The following TRRAP variants were observed in gnomAD, a reference collection of about 807,000 sequenced individuals.
TRRAP encodes the protein transformation/transcription domain associated protein.
Under a neutral mutation model 438.8 loss-of-function variants are expected in TRRAP, and 41 were observed. The ratio of observed to expected loss-of-function variants is 0.09; its 90% CI spans 0.07 to 0.12. TRRAP has a LOEUF of 0.12. Among genes scored for constraint, TRRAP ranks in the 10% least tolerant of loss-of-function variants. TRRAP has a pLI of 1.00. For synonymous variants in TRRAP, 1,994 were observed against 1,962.9 expected, an observed-to-expected ratio of 1.02 and a Z score of -0.42; for missense variants, 3,122 against 5,055.1, an observed-to-expected ratio of 0.62 and a Z score of 11.60.
At chr7:98,945,616 G>C in intron 31 of TRRAP, 131 bp from the exon 32 acceptor site, 1 of 1,021,942 alleles carries the variant, frequency 9.8e-7, no homozygotes, top group Non-Finnish European at 1.4e-6. Context: ...GTTAATTACT[G>C]TGTGCTTTCT....
chr7:98,997,359 A>C (rs2116827685), intron 67 of TRRAP, among the ~76,000 whole-genome samples: 1 of 152,016 alleles, frequency 6.6e-6, no homozygotes, highest in East Asian at 1.9e-4. Flanking sequence ...TTTTCCAAAA[A>C]ATCTTACTTT....
In TRRAP at chr7:98,942,934, G is replaced by A. The variant is rs782240065; in HGVS notation, c.4405-15G>A. On this transcript the variant is annotated splice_polypyrimidine_tract_variant and intron_variant, in intron 30 of 72. Coordinates refer to ENST00000456197, the MANE Select transcript of TRRAP (RefSeq NM_001375524.1). ...CTACTGTGAAGTTGTGTCTCAGGAT[G>A]TGTTTTTCCAACAGCAACATCTGCG... 5.6e-6 allele frequency: 9 copies of A among 1,614,036 alleles called. No individual in the cohort carries two copies. The Admixed American group carries it at 6.7e-5, about 12-fold the overall frequency.
intron 63 of TRRAP, among the ~76,000 whole-genome samples, chr7:98,989,310 C>G (rs983661874): frequency 2.0e-5 from 3 of 152,102 alleles, no homozygotes; most frequent in African/African-American, 7.3e-5. Flanking sequence ...CATCCCTCCC[C>G]TGCAGGGCTG....
Position 98,927,175 on chromosome 7 carries a change from A to G in TRRAP, c.2984A>G (p.Glu995Gly). 1 of 1,614,256 alleles carries G rather than the reference A, an allele frequency of 6.2e-7. No homozygotes were observed. The highest frequency in any genetic ancestry group is 1.7e-5 in the Admixed American group (1 of 60,030). The change falls in exon 23 of 73, where the codon GAA becomes GGA. Residue 995 changes from glutamate (E) to glycine (G), a missense_variant. Glu to Gly is a moderately conservative substitution (Grantham distance 98). Transcript: ENST00000456197. ...YQLLAHPNFTEKTIPNVIISH... is the reference protein window; with the variant it reads ...YQLLAHPNFTGKTIPNVIISH... ...CTGATTTTGCCTTTCAGCTTTACAG[A>G]AAAGACCATCCCCAATGTTATCATC...
intron 18 of TRRAP, 45 bp from the exon 19 acceptor site, chr7:98,915,678 C>G: frequency 1.3e-6 from 2 of 1,597,544 alleles, no homozygotes; most frequent in Non-Finnish European, 1.7e-6. Flanking sequence ...GGTATAGACC[C>G]TCCTCATTTA....
chr7:98,901,408 T>C (rs1169193976), intron 11 of TRRAP, among the ~76,000 whole-genome samples: 1 of 152,244 alleles, frequency 6.6e-6, no homozygotes, highest in Non-Finnish European at 1.5e-5. Flanking sequence ...GTTAGGGCTT[T>C]CACATGGGAA....
At chr7:98,969,130 C>T (rs1241544482) in intron 51 of TRRAP, among the ~76,000 whole-genome samples, 1 of 152,220 alleles carries the variant, frequency 6.6e-6, no homozygotes. Context: ...CAACCACCTC[C>T]CCTCCTACTG....
rs1328826207 is a variant in TRRAP at position 98,917,623 on chromosome 7, C to T, written c.2566C>T (p.Leu856=). The change falls in exon 20 of 73, where the codon CTG becomes TTG. Residue 856 remains leucine (L), a synonymous_variant. Transcript: ENST00000456197. Reference sequence around the variant, plus strand: ...GACGCTGGAGCTGTGTGTGGACAACCTGCAGCCCGACTTCCTCTACGACCA... The same window carrying T: ...GACGCTGGAGCTGTGTGTGGACAACTTGCAGCCCGACTTCCTCTACGACCA... ...LRTLELCVDN[L]QPDFLYDHIQ... The T allele has an allele frequency of 1.9e-6, 3 of 1,614,096 alleles. No individual in the cohort carries two copies. Among genetic ancestry groups the T allele is most frequent in the Admixed American group, 1.7e-5 (1 of 60,006 alleles).
intron 38 of TRRAP, 143 bp from the exon 39 acceptor site, chr7:98,950,733 T>C (rs1791296242): frequency 3.2e-6 from 3 of 944,022 alleles, no homozygotes; most frequent in Non-Finnish European, 4.5e-6. Flanking sequence ...GCTCTTTGCA[T>C]AGGAGTCAAG....
At position 98,956,060 on chromosome 7, in the gene TRRAP, G is replaced by T. The variant is rs1791585791; in HGVS notation, c.5938-86G>T. ...TGTTGGGGCTGAGAGGCATGTCGGG[G>T]GTGTGTGTGTGCACGTGCGCACACG... On this transcript the variant is annotated intron_variant, in intron 41 of 72. Coordinates refer to ENST00000456197, the MANE Select transcript of TRRAP (RefSeq NM_001375524.1). This position sits in a 1 kb window ranked among gnomAD's most constrained non-coding sequence, Gnocchi z 4.5. 2.0e-6 allele frequency: 3 copies of T among 1,469,724 alleles called. No individual in the cohort carries two copies. The highest frequency in any genetic ancestry group is 2.5e-4 in the Middle Eastern group (1 of 3,988). 91.0% of individuals were successfully genotyped at this position (1,469,724 alleles called of 1,614,324 possible).
rs782132889 is a variant in TRRAP, at chr7:98,949,788, C to T, written c.5082C>T (p.Ala1694=). 1.9e-6 allele frequency: 3 copies of T among 1,613,828 alleles called. No individual in the cohort carries two copies. In the South Asian group the frequency reaches 3.3e-5, roughly 18 times the overall value. Residue 1694 remains alanine (A), a synonymous_variant, in exon 37 of 73, where the codon GCC becomes GCT. Coordinates refer to ENST00000456197, the MANE Select transcript of TRRAP (RefSeq NM_001375524.1). ...GGCACCGCAAGGAGAACATGGCAGCCACCAACTGGAAGGAGCCCAAGCTGC... is the reference window on the plus strand; with the variant it reads ...GGCACCGCAAGGAGAACATGGCAGCTACCAACTGGAAGGAGCCCAAGCTGC... ...QERHRKENMA[A]TNWKEPKLLA...
Position 99,012,455 on chromosome 7 carries a change from GC to G in TRRAP, c.*104del. 2.2e-6 allele frequency: 3 copies of G among 1,368,854 alleles called. No individual in the cohort carries two copies. The highest frequency in any genetic ancestry group is 2.9e-6 in the Non-Finnish European group (3 of 1,026,216). The allele number at this position is 1,368,854 out of a possible 1,614,324, so 84.8% of individuals were successfully genotyped here. ...TGCCTCGTTCCTTATATTCACAGAA[GC>G]CCCATAGTTTCACTGGGTTGCGGTT... is the stretch of plus-strand genomic sequence containing the variant. On this transcript the variant is annotated 3_prime_UTR_variant, in exon 73 of 73. Transcript: ENST00000456197. This position sits in a 1 kb window ranked among gnomAD's most constrained non-coding sequence, Gnocchi z 5.9.
At position 98,933,344 on chromosome 7, in the gene TRRAP, A is replaced by G. The variant is rs781997002; in HGVS notation, c.3956A>G (p.Gln1319Arg). The change falls in exon 27 of 73, where the codon CAG becomes CGG. Residue 1319 changes from glutamine (Q) to arginine (R), a missense_variant. Gln to Arg is a conservative substitution (Grantham distance 43). Coordinates refer to ENST00000456197, the MANE Select transcript of TRRAP (RefSeq NM_001375524.1). ...GGGAACACGTTCTGTACCACGTTGC[A>G]GCCCAGGCTCTTCACAATGGACCTT... ...MEGNTFCTTL[Q>R]PRLFTMDLNV... is the part of the protein sequence containing the mutation. The G allele has an allele frequency of 9.3e-6, 15 of 1,614,182 alleles. No homozygotes were observed. Among genetic ancestry groups the G allele is most frequent in the Non-Finnish European group, 1.3e-5 (15 of 1,180,040 alleles).
Position 99,012,091 on chromosome 7 carries a change from G to A in TRRAP, c.11358G>A (p.Thr3786=), listed in dbSNP as rs754702230. Residue 3786 remains threonine (T), a synonymous_variant, in exon 73 of 73, where the codon ACG becomes ACA. Coordinates refer to ENST00000456197, the MANE Select transcript of TRRAP (RefSeq NM_001375524.1). The surrounding 1 kb of genome is among the most constrained non-coding windows in gnomAD (Gnocchi z 5.9). ...CGCAGGTGGATGGCATTCTGAAAAC[G>A]GTTCTCCGGGACGAGATCATTGCTT... The part of the protein sequence containing the change: ...PNFKVDGILK[T]VLRDEIIAWH... The A allele has an allele frequency of 8.1e-6, 13 of 1,613,696 alleles. No individual in the cohort carries two copies. Among genetic ancestry groups the A allele is most frequent in the East Asian group, 2.2e-5 (1 of 44,856 alleles).
In TRRAP at chr7:98,880,400, A is replaced by C. The variant is rs1446019582; in HGVS notation, c.-61-690A>C. On this transcript the variant is annotated intron_variant, in intron 1 of 72. Transcript: ENST00000456197. ...TGCTTCAGCCTCCTGAGTAGCTGGG[A>C]TTACAGGTGCCCACTACCACGCCTG... Among the ~76,000 whole-genome samples, 3 of 151,500 alleles carry C rather than the reference A, an allele frequency of 2.0e-5. No homozygotes were observed. In the Admixed American group the frequency reaches 2.0e-4, roughly 10 times the overall value.
At chr7:98,917,984 T>C (rs375206152) in intron 20 of TRRAP, among the ~76,000 whole-genome samples, 15 of 151,910 alleles carry the variant, frequency 9.9e-5, no homozygotes, top group African/African-American at 2.9e-4. Flanking sequence ...TAGCCAAGCA[T>C]GGTGGCCGAC....
chr7:98,920,829 G>A (rs181068630), intron 20 of TRRAP, among the ~76,000 whole-genome samples: 6 of 152,140 alleles, frequency 3.9e-5, no homozygotes, highest in East Asian at 1.9e-4. Flanking sequence ...ATCCACCTGC[G>A]TGCTCCTCCC....
At chr7:98,891,208 T>A (rs797025793) in intron 4 of TRRAP, among the ~76,000 whole-genome samples, 4,264 of 114,814 alleles carry the variant, frequency 0.037, 86 homozygotes, top group African/African-American at 0.078. Flanking sequence ...TATATATTTT[T>A]TTTTTTTTTT....
intron 24 of TRRAP, 115 bp downstream of exon 24, chr7:98,930,321 A>T: frequency 7.6e-7 from 1 of 1,315,918 alleles, no homozygotes; most frequent in Non-Finnish European, 1.0e-6. Context: ...TCACGCCTGT[A>T]ATCCCAGCAC....
Sources: gnomAD v4.1 joint callset for allele counts (sites outside exome capture counted in the v4.1 genomes callset) on GRCh38, gnomAD v4.1.1 for gene constraint, Gnocchi (gnomAD v3.1) non-coding constraint, MANE v1.5 for transcripts, NCBI Gene and HGNC (gene_info 2026-07-23, HGNC 2026-07-21) for gene names.